Variants in DLG2 observed in about 807,000 individuals in gnomAD.
The protein encoded by DLG2 is discs large MAGUK scaffold protein 2.
A neutral mutation model predicts 132.5 loss-of-function variants in DLG2; 45 were observed. The observed-to-expected ratio is 0.34, with a 90% CI of 0.27 to 0.44. The LOEUF (loss-of-function observed/expected upper bound fraction) is 0.44, where lower values mean the gene tolerates loss of function less well. Ranked by LOEUF, DLG2 falls within the 20% of genes least tolerant of loss-of-function variation. DLG2 has a pLI of 1.00. For missense variants in DLG2, 1,045 were observed against 1,196.9 expected (o/e 0.87, Z 1.87); for synonymous variants, 424 against 419.6 (o/e 1.01, Z -0.13).
At chr11:83,640,061 C>T (rs755109237) in intron 18 of DLG2, among the ~76,000 whole-genome samples, 1 of 152,182 alleles carries the variant, frequency 6.6e-6, no homozygotes, top group Non-Finnish European at 1.5e-5. Context: ...CAGTGGCACC[C>T]TCTTTCTATT....
chr11:84,373,265 C>CAAAAAAAAAAAAAAAAAA (rs59038372), intron 7 of DLG2, among the ~76,000 whole-genome samples: 3 of 98,088 alleles, frequency 3.1e-5, no homozygotes, highest in African/African-American at 4.6e-5. Flanking sequence ...AAAAAAAAAA[C>CAAAAAAAAAAAAAAAAAA]AAAACAAAAA....
At chr11:85,081,498 A>G (rs1256204101) in intron 6 of DLG2, among the ~76,000 whole-genome samples, 1 of 152,160 alleles carries the variant, frequency 6.6e-6, no homozygotes, top group Non-Finnish European at 1.5e-5. Flanking sequence ...GGTGGGTCCT[A>G]GAAACCAGAA....
At chr11:84,927,721 AAAT>A (rs1292362320) in intron 6 of DLG2, among the ~76,000 whole-genome samples, 2 of 152,024 alleles carry the variant, frequency 1.3e-5, no homozygotes, top group Non-Finnish European at 2.9e-5. Context: ...ACATGTCAGA[AAAT>A]ATTATGATGA....
chr11:84,923,693 C>T, intron 6 of DLG2: 1 of 534,152 alleles, frequency 1.9e-6, no homozygotes, highest in Non-Finnish European at 2.4e-6. Context: ...CAAATCACCG[C>T]AAGCATGTCT....
At chr11:84,984,218 A>C (rs1206407457) in intron 6 of DLG2, among the ~76,000 whole-genome samples, 1 of 152,228 alleles carries the variant, frequency 6.6e-6, no homozygotes, top group Non-Finnish European at 1.5e-5. Flanking sequence ...CAGGTTATCT[A>C]AAGTTAAGAT....
chr11:85,129,929 C>T (rs899202364), intron 5 of DLG2, among the ~76,000 whole-genome samples: 1 of 152,016 alleles, frequency 6.6e-6, no homozygotes, highest in Non-Finnish European at 1.5e-5. Context: ...AGCTGAAAAT[C>T]ATCATTCTCA....
intron 6 of DLG2, among the ~76,000 whole-genome samples, chr11:84,837,076 G>A (rs138094010): frequency 0.015 from 2,279 of 151,708 alleles, 27 homozygotes; most frequent in Middle Eastern, 0.027. Flanking sequence ...TGTTCTCATT[G>A]TTCAATTCCC....
At chr11:84,744,498 G>C (rs1396083004) in intron 6 of DLG2, among the ~76,000 whole-genome samples, 1 of 152,118 alleles carries the variant, frequency 6.6e-6, no homozygotes, top group Non-Finnish European at 1.5e-5. Context: ...GAACTCTTCA[G>C]TTCTGACTGC....
intron 6 of DLG2, among the ~76,000 whole-genome samples, chr11:84,766,748 A>G (rs574776099): frequency 6.6e-6 from 1 of 152,158 alleles, no homozygotes; most frequent in East Asian, 1.9e-4. Context: ...GTAGGGGAGG[A>G]AAGATGGTTA....
At chr11:85,552,479 CAA>C (rs200386997) in intron 3 of DLG2, among the ~76,000 whole-genome samples, 1 of 146,378 alleles carries the variant, frequency 6.8e-6, no homozygotes, top group Non-Finnish European at 1.5e-5. Context: ...AGCACCCTCC[CAA>C]AAAAAAAGTT....
intron 19 of DLG2, among the ~76,000 whole-genome samples, chr11:83,558,889 A>T (rs1196275095): frequency 8.8e-6 from 1 of 113,730 alleles, no homozygotes; most frequent in Non-Finnish European, 1.9e-5. Context: ...GTGTGTGTGT[A>T]TGAGTAAAAT....
intron 7 of DLG2, among the ~76,000 whole-genome samples, chr11:84,404,037 A>G (rs1039510423): frequency 8.6e-5 from 13 of 151,832 alleles, no homozygotes; most frequent in African/African-American, 3.1e-4. Flanking sequence ...CTTTTGCCAT[A>G]CTCCAATCCA....
intron 6 of DLG2, among the ~76,000 whole-genome samples, chr11:84,776,676 T>C (rs1307902208): frequency 6.6e-6 from 1 of 152,162 alleles, no homozygotes; most frequent in African/African-American, 2.4e-5. Flanking sequence ...GTATTTTGAG[T>C]CTGGTTTGAG....
intron 6 of DLG2, among the ~76,000 whole-genome samples, chr11:84,812,097 G>T (rs2076620725): frequency 1.3e-5 from 2 of 152,126 alleles, no homozygotes; most frequent in Admixed American, 1.3e-4. Flanking sequence ...AGACACTGAA[G>T]ATAGAAACAG....
chr11:84,863,809 C>T (rs909668817), intron 6 of DLG2, among the ~76,000 whole-genome samples: 1 of 152,184 alleles, frequency 6.6e-6, no homozygotes, highest in Non-Finnish European at 1.5e-5. Flanking sequence ...TTGCAGTGCA[C>T]TGAGGATCTA....
intron 9 of DLG2, among the ~76,000 whole-genome samples, chr11:84,129,103 GT>G (rs1479549903): frequency 1.3e-5 from 2 of 152,080 alleles, no homozygotes; most frequent in Non-Finnish European, 2.9e-5. Flanking sequence ...TTCTTTTACA[GT>G]TTTTTTCAGG....
At chr11:85,617,018 C>A (rs2081383948) in intron 2 of DLG2, among the ~76,000 whole-genome samples, 1 of 152,168 alleles carries the variant, frequency 6.6e-6, no homozygotes, top group Non-Finnish European at 1.5e-5. Flanking sequence ...CCCACCTTAA[C>A]CCCAGGGAAG....
intron 21 of DLG2, among the ~76,000 whole-genome samples, chr11:83,501,271 C>T (rs1174367029): frequency 6.6e-6 from 1 of 151,046 alleles, no homozygotes; most frequent in Non-Finnish European, 1.5e-5. Context: ...CTACCTAATC[C>T]CTCACAATAT....
rs59452629 is a variant in DLG2, at chr11:85,582,660, C to CAAAAAAAAAAAAAAAAAAAAAAAAAAAAA, written c.40+15968_40+15996dup. Among the ~76,000 whole-genome samples the CAAAAAAAAAAAAAAAAAAAAAAAAAAAAA allele has an allele frequency of 2.9e-4, 8 of 27,124 alleles. 1 individual carries two copies. Among genetic ancestry groups the CAAAAAAAAAAAAAAAAAAAAAAAAAAAAA allele is most frequent in the Non-Finnish European group, 4.3e-4 (6 of 13,822 alleles). 17.8% of individuals were successfully genotyped at this position (27,124 alleles called of 152,430 possible). A position where few individuals can be genotyped will look rare whatever the true frequency, so the allele number is the denominator to read the frequency against. ...GCAACATGGTGAAACCCCATCTCTA[C>CAAAAAAAAAAAAAAAAAAAAAAAAAAAAA]AAAAAAAAAAAAAAAAAAAAAAAAA... On this transcript the variant is annotated intron_variant, in intron 3 of 27. Transcript: ENST00000376104.
Sources: gnomAD v4.1 joint callset for allele counts (sites outside exome capture counted in the v4.1 genomes callset) on GRCh38, gnomAD v4.1.1 for gene constraint, MANE v1.5 for transcripts, NCBI Gene and HGNC (gene_info 2026-07-23, HGNC 2026-07-21) for gene names.